Variants in MECOM observed in about 807,000 individuals in gnomAD.
MECOM encodes the protein MDS1 and EVI1 complex locus.
MECOM carries 13 observed loss-of-function variants against 116.3 expected under a neutral mutation model. The observed-to-expected ratio is 0.11, with a 90% CI of 0.07 to 0.18. The LOEUF is 0.18. MECOM is among the 10% of genes least tolerant of loss of function. MECOM has a pLI of 1.00. For synonymous variants in MECOM, 528 were observed against 535.2 expected, an observed-to-expected ratio of 0.99 and a Z score of 0.19; for missense variants, 1,299 against 1,509.0, an observed-to-expected ratio of 0.86 and a Z score of 2.31.
At chr3:169,414,001 G>C (rs1738064054) in intron 1 of MECOM, among the ~76,000 whole-genome samples, 1 of 152,248 alleles carries the variant, frequency 6.6e-6, no homozygotes, top group African/African-American at 2.4e-5. Flanking sequence ...GCTCTGAAGA[G>C]AGCAGTGGAT....
chr3:169,095,615 T>C (rs1382702786), intron 12 of MECOM, among the ~76,000 whole-genome samples: 2 of 152,200 alleles, frequency 1.3e-5, no homozygotes, highest in African/African-American at 2.4e-5. Flanking sequence ...AACATTCATA[T>C]AGTTTTCAAA....
At chr3:169,400,588 T>C (rs1347004908) in intron 1 of MECOM, among the ~76,000 whole-genome samples, 1 of 152,202 alleles carries the variant, frequency 6.6e-6, no homozygotes, top group East Asian at 1.9e-4. Context: ...CTGTGATGGA[T>C]TAAATAGAGG....
intron 2 of MECOM, among the ~76,000 whole-genome samples, chr3:169,200,013 C>T (rs1186347644): frequency 6.6e-6 from 1 of 151,924 alleles, no homozygotes; most frequent in African/African-American, 2.4e-5. Flanking sequence ...TATAGTAAAA[C>T]GTTGTGTTCT....
chr3:169,365,824 C>CT (rs1729062586), intron 2 of MECOM, among the ~76,000 whole-genome samples: 1 of 151,956 alleles, frequency 6.6e-6, no homozygotes, highest in Non-Finnish European at 1.5e-5. Context: ...CAAATAAACT[C>CT]CAAGTGACAC....
chr3:169,118,735 A>C (rs898667885), intron 7 of MECOM, among the ~76,000 whole-genome samples: 1 of 150,370 alleles, frequency 6.7e-6, no homozygotes, highest in Non-Finnish European at 1.5e-5. Flanking sequence ...AAAAAAAAAA[A>C]ATCAAGAGCT....
chr3:169,301,361 C>A (rs543747721), intron 2 of MECOM, among the ~76,000 whole-genome samples: 39 of 152,156 alleles, frequency 2.6e-4, no homozygotes, highest in Non-Finnish European at 4.4e-4. Flanking sequence ...CAAGATGCCA[C>A]CCAATCCACT....
intron 1 of MECOM, among the ~76,000 whole-genome samples, chr3:169,563,064 CA>C (rs34061227): frequency 0.27 from 21,523 of 79,436 alleles, 1,563 homozygotes; most frequent in Admixed American, 0.3. Context: ...AGCTCCATCT[CA>C]AAAAAAAAAA....
At chr3:169,164,248 C>T (rs189753362) in intron 2 of MECOM, among the ~76,000 whole-genome samples, 12 of 152,032 alleles carry the variant, frequency 7.9e-5, no homozygotes, top group African/African-American at 9.7e-5. Context: ...ATGAGTTTCA[C>T]GAGATCTGAT....
intron 2 of MECOM, among the ~76,000 whole-genome samples, chr3:169,308,177 AT>A (rs1430128553): frequency 1.3e-5 from 2 of 152,058 alleles, no homozygotes; most frequent in Middle Eastern, 3.4e-3. Flanking sequence ...CTTTTACTAG[AT>A]GATAAACTCC....
chr3:169,483,929 C>T, intron 1 of MECOM: 1 of 1,608,158 alleles, frequency 6.2e-7, no homozygotes, highest in South Asian at 1.1e-5. Context: ...TCCTTTCTTG[C>T]AAAAACTGCT....
chr3:169,621,490 C>T (rs1770715869), intron 1 of MECOM, among the ~76,000 whole-genome samples: 1 of 152,208 alleles, frequency 6.6e-6, no homozygotes, highest in Admixed American at 6.5e-5. Flanking sequence ...GGCACGGTGG[C>T]TCACACCTGT....
intron 1 of MECOM, chr3:169,389,673 G>T (rs1733926669): frequency 1.3e-6 from 1 of 752,674 alleles, no homozygotes; most frequent in African/African-American, 1.9e-5. Context: ...CAGACTGGGT[G>T]GTTACTCCTC....
chr3:169,587,183 C>T (rs937940995), intron 1 of MECOM, among the ~76,000 whole-genome samples: 1 of 152,026 alleles, frequency 6.6e-6, no homozygotes, highest in African/African-American at 2.4e-5. Context: ...ATTTTTTTGC[C>T]AGACACTTCA....
chr3:169,187,733 G>C (rs1746969321), intron 2 of MECOM, among the ~76,000 whole-genome samples: 1 of 152,104 alleles, frequency 6.6e-6, no homozygotes, highest in African/African-American at 2.4e-5. Flanking sequence ...CAAGAGACCA[G>C]ACATACCTGC....
chr3:169,147,724 G>A, intron 2 of MECOM: 1 of 980,810 alleles, frequency 1.0e-6, no homozygotes, highest in Non-Finnish European at 1.2e-6. Flanking sequence ...TGGTGTGTGT[G>A]TGTGTGTGTG....
chr3:169,477,130 T>G (rs866537991), intron 1 of MECOM: 11 of 95,484 alleles, frequency 1.2e-4, no homozygotes, highest in Non-Finnish European at 1.2e-4. Context: ...TATATATATA[T>G]ATATATATAT....
intron 8 of MECOM, among the ~76,000 whole-genome samples, chr3:169,115,068 G>A (rs144218509): frequency 2.3e-3 from 356 of 152,054 alleles, no homozygotes; most frequent in African/African-American, 8.1e-3. Context: ...TCATTCTTCC[G>A]CCACTTGACA....
At position 169,090,026 on chromosome 3, in the gene MECOM, C is replaced by T. The variant is rs150202188; in HGVS notation, c.3375G>A (p.Glu1125=). 6.2e-7 allele frequency: 1 copy of T among 1,613,378 alleles called. No individual in the cohort carries two copies. Among genetic ancestry groups the T allele is most frequent in the African/African-American group, 1.3e-5 (1 of 75,022 alleles). ...TCACTGGGGATGTCTTGCAACTCAT[C>T]TCCAGGGCACTGGTTTCTTCATAGT... ...EDDYEETSAL[E]MSCKTSPVRY... is the part of the protein sequence containing the mutation. The change falls in exon 15 of 17, where the codon GAG becomes GAA. Residue 1125 remains glutamate, a synonymous_variant. Transcript: ENST00000651503.
chr3:169,474,978 T>C (rs1026558987), intron 1 of MECOM, among the ~76,000 whole-genome samples: 1 of 152,190 alleles, frequency 6.6e-6, no homozygotes, highest in Non-Finnish European at 1.5e-5. Context: ...ATCTCATTGC[T>C]AGTAGGGGCC....
Sources: gnomAD v4.1 joint callset for allele counts (sites outside exome capture counted in the v4.1 genomes callset) on GRCh38, gnomAD v4.1.1 for gene constraint, MANE v1.5 for transcripts, NCBI Gene and HGNC (gene_info 2026-07-23, HGNC 2026-07-21) for gene names.